NPAS3: variants seen among roughly 807,000 people sequenced by gnomAD.
The protein encoded by NPAS3 is neuronal PAS domain protein 3, also known as neuronal PAS domain-containing protein 3.
Under a neutral mutation model 73.1 loss-of-function variants are expected in NPAS3, and 14 were observed. The observed-to-expected ratio is 0.19, with a 90% CI of 0.13 to 0.30. NPAS3 has a LOEUF of 0.30. Ranked by LOEUF, NPAS3 falls within the 10% of genes least tolerant of loss-of-function variation. The pLI is 1.00. For missense variants in NPAS3, 1,096 were observed against 1,250.0 expected (o/e 0.88, Z 1.86); for synonymous variants, 620 against 541.5 (o/e 1.14, Z -2.01).
intron 1 of NPAS3, among the ~76,000 whole-genome samples, chr14:33,051,070 C>T (rs1403497142): frequency 1.3e-5 from 2 of 151,142 alleles, no homozygotes; most frequent in African/African-American, 2.4e-5. Flanking sequence ...GTCAGGAGAT[C>T]GAGACCATCC....
At chr14:33,482,382 T>A (rs1345344084) in intron 4 of NPAS3, among the ~76,000 whole-genome samples, 1 of 152,190 alleles carries the variant, frequency 6.6e-6, no homozygotes, top group Non-Finnish European at 1.5e-5. Context: ...AACCATCGTA[T>A]ATACACTTCA....
At chr14:33,479,558 G>A (rs1229441896) in intron 4 of NPAS3, among the ~76,000 whole-genome samples, 1 of 152,298 alleles carries the variant, frequency 6.6e-6, no homozygotes, top group East Asian at 1.9e-4. Flanking sequence ...GTTAAGAAAA[G>A]CTCTAAAGCC....
intron 3 of NPAS3, among the ~76,000 whole-genome samples, chr14:33,330,853 G>A (rs2043952620): frequency 1.3e-5 from 2 of 152,142 alleles, no homozygotes; most frequent in Admixed American, 6.5e-5. Flanking sequence ...AATTTCCATT[G>A]AGCAGTGACC....
At chr14:33,207,729 A>G (rs1241652757) in intron 2 of NPAS3, among the ~76,000 whole-genome samples, 1 of 152,192 alleles carries the variant, frequency 6.6e-6, no homozygotes, top group Admixed American at 6.5e-5. Context: ...AGCATTTACT[A>G]TAATGAAGAG....
chr14:33,417,932 T>C lies in NPAS3; in HGVS notation c.468+50664T>C, dbSNP rs79483723. ...CTATTTGTTTTCCACAGAATAGTTT[T>C]CTTTTTGCAGATGATTTTGGTTCCC... On this transcript the variant is annotated intron_variant, in intron 4 of 11. Coordinates refer to ENST00000356141, the Ensembl canonical transcript of NPAS3. 2.4e-3 allele frequency among the ~76,000 whole-genome samples: 369 copies of C among 152,164 alleles called. 4 individuals are homozygous for C. Among genetic ancestry groups the C allele is most frequent in the African/African-American group, 8.4e-3 (347 of 41,544 alleles).
chr14:33,375,662 A>C (rs1376007259), intron 4 of NPAS3, among the ~76,000 whole-genome samples: 1 of 152,214 alleles, frequency 6.6e-6, no homozygotes, highest in Admixed American at 6.5e-5. Flanking sequence ...AGAAATTTTA[A>C]GTCTGTTGTT....
chr14:33,716,846 T>TA, intron 6 of NPAS3, among the ~76,000 whole-genome samples: 1 of 152,190 alleles, frequency 6.6e-6, no homozygotes, highest in Non-Finnish European at 1.5e-5. Flanking sequence ...TCTGTCCTCC[T>TA]ATGCACCCTC....
intron 4 of NPAS3, among the ~76,000 whole-genome samples, chr14:33,543,679 C>T (rs1008686160): frequency 6.6e-6 from 1 of 152,076 alleles, no homozygotes; most frequent in African/African-American, 2.4e-5. Context: ...AGGTTGGCTT[C>T]ATCTCAATCA....
Position 33,368,445 on chromosome 14 carries a change from A to G in NPAS3, c.468+1177A>G, listed in dbSNP as rs550106911. Among the ~76,000 whole-genome samples, 57 of 152,198 alleles carry G rather than the reference A, an allele frequency of 3.7e-4. No homozygotes were observed. In the East Asian group the frequency reaches 0.01, roughly 27 times the overall value. ...CATTCTTGGGCCTCAACCTAGACCT[A>G]CTAAATCAGAGTTTATAGGGTAAAG... is the stretch of plus-strand genomic sequence containing the variant. On this transcript the variant is annotated intron_variant, in intron 4 of 11. Coordinates refer to ENST00000356141, the Ensembl canonical transcript of NPAS3.
intron 5 of NPAS3, among the ~76,000 whole-genome samples, chr14:33,609,850 C>T (rs896468247): frequency 1.3e-5 from 2 of 152,122 alleles, no homozygotes; most frequent in African/African-American, 2.4e-5. Flanking sequence ...ATCAGGAGTT[C>T]GCAAGCATCA....
intron 9 of NPAS3, 53 bp from the exon 10 acceptor site, chr14:33,793,840 AAAAG>A: frequency 6.5e-7 from 1 of 1,534,208 alleles, no homozygotes. Flanking sequence ...AAAAAAAAAA[AAAAG>A]TTATTTGATC....
chr14:33,104,252 T>C (rs758390451), intron 2 of NPAS3, among the ~76,000 whole-genome samples: 8 of 152,198 alleles, frequency 5.3e-5, no homozygotes, highest in Non-Finnish European at 1.0e-4. Context: ...GCAGTATGGC[T>C]TTAGTACCAT....
At chr14:33,534,247 A>G (rs1221401831) in intron 4 of NPAS3, among the ~76,000 whole-genome samples, 1 of 151,332 alleles carries the variant, frequency 6.6e-6, no homozygotes, top group Non-Finnish European at 1.5e-5. Flanking sequence ...TCCTTATGTC[A>G]GTACTATTTC....
chr14:33,190,791 C>G lies in NPAS3; in HGVS notation c.141-24391C>G, dbSNP rs140152501. Among the ~76,000 whole-genome samples the G allele has an allele frequency of 5.7e-3, 865 of 152,268 alleles. 5 individuals are homozygous for G. Among genetic ancestry groups the G allele is most frequent in the African/African-American group, 0.019 (780 of 41,544 alleles). ...TACTCACTGCCAACATGATATGTGT[C>G]GTGCTGTCCTTTAGCGCCCATCGGT... On this transcript the variant is annotated intron_variant, in intron 2 of 11. Transcript: ENST00000356141.
chr14:33,696,402 G>A (rs1272727135), intron 6 of NPAS3, among the ~76,000 whole-genome samples: 1 of 152,142 alleles, frequency 6.6e-6, no homozygotes, highest in African/African-American at 2.4e-5. Context: ...AATGAAACGA[G>A]TATTTATTCA....
At chr14:32,991,919 A>G (rs1326060742) in intron 1 of NPAS3, among the ~76,000 whole-genome samples, 1 of 152,216 alleles carries the variant, frequency 6.6e-6, no homozygotes, top group African/African-American at 2.4e-5. Context: ...CATTAACTAC[A>G]TTCATGAGGC....
At chr14:33,587,982 A>T (rs1001596780) in intron 5 of NPAS3, among the ~76,000 whole-genome samples, 9 of 152,328 alleles carry the variant, frequency 5.9e-5, no homozygotes, top group African/African-American at 2.2e-4. Context: ...GTTACCAGGG[A>T]CATTTTGTTG....
Position 33,662,722 on chromosome 14 carries a change from G to A in NPAS3, c.559-13489G>A, listed in dbSNP as rs2059342279. Among the ~76,000 whole-genome samples the A allele has an allele frequency of 6.6e-5, 10 of 152,056 alleles. No homozygotes were observed. In the South Asian group the frequency reaches 2.1e-3, roughly 32 times the overall value. On this transcript the variant is annotated intron_variant, in intron 5 of 11. Transcript: ENST00000356141. ...TTCTCTTTGTAGTAATTGTGAATGG[G>A]AGTTCACTCATGATTTAGGTCTCTG...
At chr14:32,981,475 A>G (rs1398660434) in intron 1 of NPAS3, among the ~76,000 whole-genome samples, 1 of 152,216 alleles carries the variant, frequency 6.6e-6, no homozygotes, top group African/African-American at 2.4e-5. Flanking sequence ...TTAACAAGCT[A>G]CGTATTAAGC....
Sources: gnomAD v4.1 joint callset for allele counts (sites outside exome capture counted in the v4.1 genomes callset) on GRCh38, gnomAD v4.1.1 for gene constraint, MANE v1.5 for transcripts, NCBI Gene and HGNC (gene_info 2026-07-23, HGNC 2026-07-21) for gene names.